ALOX12B: variants seen among roughly 807,000 people sequenced by gnomAD.
The protein encoded by ALOX12B is arachidonate 12-lipoxygenase, 12R-type.
ALOX12B carries 47 observed loss-of-function variants against 78.9 expected under a neutral mutation model. The ratio of observed to expected loss-of-function variants is 0.60; its 90% CI spans 0.47 to 0.76. ALOX12B has a LOEUF of 0.76. ALOX12B is among the 30% of genes least tolerant of loss of function. The probability of loss-of-function intolerance (pLI) is 0.00; values close to 1 mark genes in which losing one functional copy is unlikely to be tolerated. For missense variants in ALOX12B, 805 were observed against 922.6 expected (o/e 0.87, Z 1.65); for synonymous variants, 370 against 374.5 (o/e 0.99, Z 0.14).
Position 8,079,901 on chromosome 17 carries a change from C to G in ALOX12B, c.795G>C (p.Gly265=). ...AEHWAEDTFF[G]YQYLNGVNPG... is the part of the protein sequence containing the mutation. ...GGTTGACGCCGTTGAGGTACTGGTA[C>G]CCAAAGAAGGTGTCCTCTGCCCAGT... is the stretch of plus-strand genomic sequence containing the variant. The change falls in exon 7 of 15, where the codon GGG becomes GGC. Residue 265 remains glycine (G), a synonymous_variant. Coordinates refer to ENST00000647874, the MANE Select transcript of ALOX12B (RefSeq NM_001139.3). This position sits in a 1 kb window ranked among gnomAD's most constrained non-coding sequence, Gnocchi z 6.4. The G allele has an allele frequency of 1.2e-6, 2 of 1,613,272 alleles. No individual in the cohort carries two copies. The highest frequency in any genetic ancestry group is 1.7e-6 in the Non-Finnish European group (2 of 1,179,852).
intron 2 of ALOX12B, among the ~76,000 whole-genome samples, chr17:8,085,484 G>A (rs3027297): frequency 0.43 from 65,063 of 151,842 alleles, 14,156 homozygotes; most frequent in Admixed American, 0.51. Context: ...TTATAAGACC[G>A]CAGCACCACG....
intron 2 of ALOX12B, among the ~76,000 whole-genome samples, chr17:8,082,028 A>G (rs562395773): frequency 8.6e-4 from 131 of 152,288 alleles, no homozygotes; most frequent in South Asian, 7.3e-3. Context: ...ACTTAAGATA[A>G]TGACTTCTAG....
intron 2 of ALOX12B, chr17:8,081,503 A>G: frequency 2.3e-6 from 1 of 440,498 alleles, no homozygotes. Flanking sequence ...TGTTACATGC[A>G]TAGTGGCCAA....
At chr17:8,084,776 C>A (rs1978292136) in intron 2 of ALOX12B, among the ~76,000 whole-genome samples, 1 of 152,222 alleles carries the variant, frequency 6.6e-6, no homozygotes, top group South Asian at 2.1e-4. Context: ...TCAGCTCAGC[C>A]TTTCCCTCCC....
chr17:8,078,872 A>G (rs1466023210), intron 8 of ALOX12B, among the ~76,000 whole-genome samples: 1 of 149,704 alleles, frequency 6.7e-6, no homozygotes, highest in Non-Finnish European at 1.5e-5. Context: ...AGATGTGTGT[A>G]AGTTATATGT....
rs763346425 is a variant in ALOX12B, at chr17:8,079,969, A to G, written c.755-28T>C. 2 of 1,603,816 alleles carry G rather than the reference A, an allele frequency of 1.2e-6. No homozygotes were observed. Among genetic ancestry groups the G allele is most frequent in the Admixed American group, 1.7e-5 (1 of 58,360 alleles). On this transcript the variant is annotated intron_variant, in intron 6 of 14. Transcript: ENST00000647874. This position sits in a 1 kb window ranked among gnomAD's most constrained non-coding sequence, Gnocchi z 6.4. ...GCGAGGACGGCGCGAGGGCGTCACA[A>G]GGAGGCCCGGCCCCCCTCGGGGACG...
At chr17:8,083,493 G>A (rs765402737) in intron 2 of ALOX12B, among the ~76,000 whole-genome samples, 8 of 152,136 alleles carry the variant, frequency 5.3e-5, no homozygotes, top group African/African-American at 1.7e-4. Flanking sequence ...CACTTTGGGC[G>A]GCCAAGGCAG....
rs1978306653 is a variant in ALOX12B, at chr17:8,087,550, G to A, written c.-108C>T. 26 of 1,572,058 alleles carry A rather than the reference G, an allele frequency of 1.7e-5. No homozygotes were observed. The highest frequency in any genetic ancestry group is 2.2e-5 in the Non-Finnish European group (25 of 1,153,882). ...AGCCAGGCACAGAGTGGAGTGGACAGGGCTGGCCTCCGAGGTGCAGTGGTG... is the reference window on the plus strand; with the variant it reads ...AGCCAGGCACAGAGTGGAGTGGACAAGGCTGGCCTCCGAGGTGCAGTGGTG... On this transcript the variant is annotated 5_prime_UTR_variant, in exon 1 of 15. Transcript: ENST00000647874.
intron 11 of ALOX12B, 110 bp downstream of exon 11, chr17:8,076,065 G>A: frequency 1.4e-6 from 2 of 1,444,546 alleles, no homozygotes; most frequent in East Asian, 4.6e-5. Context: ...CCAAGGCCAA[G>A]CCCCTGGATG....
In ALOX12B at chr17:8,077,092, G is replaced by A. The variant is rs200660582; in HGVS notation, c.1173C>T (p.Tyr391=). 5 of 1,614,028 alleles carry A rather than the reference G, an allele frequency of 3.1e-6. No homozygotes were observed. The highest frequency in any genetic ancestry group is 1.7e-5 in the Admixed American group (1 of 60,022). The change falls in exon 9 of 15, where the codon TAC becomes TAT. Residue 391 remains tyrosine, a synonymous_variant. Coordinates refer to ENST00000647874, the MANE Select transcript of ALOX12B (RefSeq NM_001139.3). ...AKTWVRYAEF[Y]SHEAIAHLLE... ...GCAGGTGGGCGATGGCCTCGTGGCTGTAGAACTCCGCATAGCGTACCCACG... is the reference window on the plus strand; with the variant it reads ...GCAGGTGGGCGATGGCCTCGTGGCTATAGAACTCCGCATAGCGTACCCACG...
chr17:8,083,373 G>A (rs1441383854), intron 2 of ALOX12B, among the ~76,000 whole-genome samples: 2 of 152,142 alleles, frequency 1.3e-5, no homozygotes, highest in Non-Finnish European at 2.9e-5. Flanking sequence ...TATTACGTGG[G>A]GACAAGGCTG....
chr17:8,081,668 G>A, intron 2 of ALOX12B: 1 of 188,320 alleles, frequency 5.3e-6, no homozygotes, highest in Non-Finnish European at 1.1e-5. Flanking sequence ...TTTTAATGGA[G>A]TCTCGTTCTT....
Position 8,076,746 on chromosome 17 carries a change from G to A in ALOX12B, c.1276-3C>T. The A allele has an allele frequency of 6.5e-7, 1 of 1,550,200 alleles. No homozygotes were observed. The highest frequency in any genetic ancestry group is 2.2e-4 in the Middle Eastern group (1 of 4,644). On this transcript the variant is annotated splice_region_variant and splice_polypyrimidine_tract_variant and intron_variant, in intron 9 of 14. Transcript: ENST00000647874. ...TATCGGGTATGGGGGATGAGGAGCT[G>A]TGGGGAGAGCAAGGAGGATGAAGAG...
Position 8,080,261 on chromosome 17 carries a change from A to G in ALOX12B, c.728T>C (p.Phe243Ser). 6.2e-7 allele frequency: 1 copy of G among 1,614,234 alleles called. No homozygotes were observed. Among genetic ancestry groups the G allele is most frequent in the Non-Finnish European group, 8.5e-7 (1 of 1,180,034 alleles). Residue 243 changes from phenylalanine (F) to serine (S), a missense_variant, in exon 6 of 15, where the codon TTC becomes TCC. Transcript: ENST00000647874. The surrounding 1 kb of genome is among the most constrained non-coding windows in gnomAD (Gnocchi z 4.8). ...WKRLKDIRKIFPGKKSVVSEY... is the reference protein window; with the variant it reads ...WKRLKDIRKISPGKKSVVSEY... ...GGAGACGACAGATTTCTTGCCAGGG[A>G]AAATTTTCCTAATGTCCTTCAGCCT...
At chr17:8,085,925 G>A (rs901523239) in intron 2 of ALOX12B, 91 bp downstream of exon 2, 19 of 1,502,368 alleles carry the variant, frequency 1.3e-5, no homozygotes, top group Non-Finnish European at 1.7e-5. Flanking sequence ...CCCCCCTCTG[G>A]CTTGATGGGA....
intron 2 of ALOX12B, among the ~76,000 whole-genome samples, chr17:8,085,408 T>C (rs1476735601): frequency 6.6e-5 from 10 of 152,004 alleles, no homozygotes; most frequent in Non-Finnish European, 1.0e-4. Context: ...GATCGTGCCA[T>C]TGCACTCCAG....
intron 1 of ALOX12B, among the ~76,000 whole-genome samples, chr17:8,086,859 G>A (rs7221090): frequency 0.044 from 6,698 of 152,172 alleles, 454 homozygotes; most frequent in African/African-American, 0.15. Context: ...AGACAGAAAG[G>A]GGAGGAGAGC....
intron 8 of ALOX12B, among the ~76,000 whole-genome samples, chr17:8,077,552 G>A (rs966537623): frequency 6.6e-6 from 1 of 152,230 alleles, no homozygotes; most frequent in Non-Finnish European, 1.5e-5. Context: ...TAGCCCCTCA[G>A]GGGGCAGGCA....
At chr17:8,084,602 C>T (rs1978291823) in intron 2 of ALOX12B, among the ~76,000 whole-genome samples, 1 of 152,220 alleles carries the variant, frequency 6.6e-6, no homozygotes, top group South Asian at 2.1e-4. Context: ...CAGTGAGACC[C>T]TCCCCTTGGC....
Sources: gnomAD v4.1 joint callset for allele counts (sites outside exome capture counted in the v4.1 genomes callset) on GRCh38, gnomAD v4.1.1 for gene constraint, Gnocchi (gnomAD v3.1) non-coding constraint, MANE v1.5 for transcripts, NCBI Gene and HGNC (gene_info 2026-07-23, HGNC 2026-07-21) for gene names.